The following PPEF1 variants were observed in gnomAD, a reference collection of about 807,000 sequenced individuals.
PPEF1 encodes serine/threonine-protein phosphatase with EF-hands 1.
A neutral mutation model predicts 53.3 loss-of-function variants in PPEF1; 12 were observed. The ratio of observed to expected loss-of-function variants is 0.23; its 90% CI spans 0.14 to 0.36. PPEF1 has a LOEUF of 0.36. Ranked by LOEUF, PPEF1 falls within the 10% of genes least tolerant of loss-of-function variation. The pLI, the probability that PPEF1 is intolerant of heterozygous loss-of-function variation, is 1.00. For missense variants in PPEF1, 334 were observed against 490.4 expected (o/e 0.68, Z 3.01); for synonymous variants, 165 against 176.7 (o/e 0.93, Z 0.52).
intron 6 of PPEF1, among the ~76,000 whole-genome samples, chrX:18,774,239 G>A (rs1202599206): frequency 6.3e-5 from 7 of 111,019 alleles, no homozygotes; most frequent in African/African-American, 2.0e-4. Flanking sequence ...ACAGGCATGC[G>A]CCACCACACC....
chrX:18,762,629 A>G (rs1377165739), intron 6 of PPEF1, among the ~76,000 whole-genome samples: 3 of 112,229 alleles, frequency 2.7e-5, no homozygotes, highest in Admixed American at 9.4e-5. Context: ...ATGATATGCT[A>G]AACAAGGGGT....
At chrX:18,814,005 A>G (rs4825274) in intron 12 of PPEF1, among the ~76,000 whole-genome samples, 2 of 108,629 alleles carry the variant, frequency 1.8e-5, no homozygotes, top group South Asian at 4.1e-4. Flanking sequence ...CTGCCTCCCC[A>G]TCTAGTAGTT....
intron 9 of PPEF1, 68 bp downstream of exon 9, chrX:18,784,116 T>C: frequency 1.1e-6 from 1 of 940,914 alleles, no homozygotes; most frequent in East Asian, 3.3e-5. Flanking sequence ...TCTTCATTTA[T>C]TATTTTGAAT....
intron 10 of PPEF1, among the ~76,000 whole-genome samples, chrX:18,790,490 T>C (rs1438949202): frequency 9.0e-6 from 1 of 111,325 alleles, no homozygotes; most frequent in Non-Finnish European, 1.9e-5. Flanking sequence ...TTTTTCTCTT[T>C]GGTTGCTCGT....
chrX:18,722,246 A>G (rs1248311058), intron 1 of PPEF1, among the ~76,000 whole-genome samples: 2 of 112,556 alleles, frequency 1.8e-5, no homozygotes, highest in African/African-American at 6.4e-5. Context: ...GAGGTTATAG[A>G]TGCTTCTCCT....
At chrX:18,799,780 G>A (rs2046513068) in intron 10 of PPEF1, among the ~76,000 whole-genome samples, 1 of 111,770 alleles carries the variant, frequency 8.9e-6, no homozygotes, top group South Asian at 3.7e-4. Context: ...GAATTAATTA[G>A]TCTTTCATGC....
chrX:18,685,684 CA>C (rs1212907646), intron 2 of PPEF1, among the ~76,000 whole-genome samples: 842 of 28,728 alleles, frequency 0.029, 6 homozygotes, highest in African/African-American at 0.071. Flanking sequence ...GACTCCATCT[CA>C]AAAAAAAAAA....
In PPEF1 at chrX:18,781,806, ACTG is replaced by A. The variant is rs776062090; in HGVS notation, c.726-557_726-555del. Among the ~76,000 whole-genome samples, 454 of 111,461 alleles carry A rather than the reference ACTG, an allele frequency of 4.1e-3. 2 individuals are homozygous for A. The highest frequency in any genetic ancestry group is 0.014 in the African/African-American group (428 of 30,612). On this transcript the variant is annotated intron_variant, in intron 7 of 15. Transcript: ENST00000470157. ...TGTCATCATTGAATCTCCCTTCACT[ACTG>A]CTATTCAGGCATTAAGGTTCCTGAC...
chrX:18,722,299 C>G (rs2044605724), intron 1 of PPEF1, among the ~76,000 whole-genome samples: 1 of 112,103 alleles, frequency 8.9e-6, no homozygotes, highest in Admixed American at 9.5e-5. Flanking sequence ...CATTTTCTTT[C>G]CAGTTCATTC....
chrX:18,680,389 C>G (rs747865178), upstream of PPEF1, among the ~76,000 whole-genome samples: 5 of 107,509 alleles, frequency 4.7e-5, no homozygotes, highest in East Asian at 1.4e-3. Context: ...CACTGCCCCC[C>G]TTTCCTGCTT....
intron 6 of PPEF1, among the ~76,000 whole-genome samples, chrX:18,764,461 G>A (rs1394089403): frequency 9.0e-6 from 1 of 111,367 alleles, no homozygotes; most frequent in African/African-American, 3.3e-5. Context: ...AGTCAGGAGT[G>A]CTGCTGTGCT....
chrX:18,731,604 T>C (rs759912931), intron 2 of PPEF1, among the ~76,000 whole-genome samples: 31 of 112,178 alleles, frequency 2.8e-4, no homozygotes, highest in Non-Finnish European at 4.7e-4. Flanking sequence ...TGATTCTTTA[T>C]TGAGATGTAA....
In PPEF1 at chrX:18,779,079, A is replaced by G. The variant is rs1043925966; in HGVS notation, c.628A>G (p.Ile210Val). 1 of 1,202,687 alleles carries G rather than the reference A, an allele frequency of 8.3e-7. No homozygotes were observed. The highest frequency in any genetic ancestry group is 1.1e-6 in the Non-Finnish European group (1 of 888,914). ...GDFVDRGKNSIEILMILCVSF... is the reference protein window; with the variant it reads ...GDFVDRGKNSVEILMILCVSF... ...CTTTGTAGATCGAGGAAAGAATTCCATAGAGATCCTAATGATCCTGTGTGT... is the reference window on the plus strand; with the variant it reads ...CTTTGTAGATCGAGGAAAGAATTCCGTAGAGATCCTAATGATCCTGTGTGT... The change falls in exon 7 of 16, where the codon ATA becomes GTA. Residue 210 changes from isoleucine (I) to valine (V), a missense_variant. Transcript: ENST00000470157.
rs758234625 is a variant in PPEF1 at position 18,824,016 on chromosome X, T to C, written c.1595T>C (p.Ile532Thr). ...TCCCTCAGTTCGAATCTGGTAAACA[T>C]AGACCAAAATGGAAACGTTGAATAC... ...WRSLSSNLVN[I>T]DQNGNVEYMS... is the part of the protein sequence containing the mutation. Residue 532 changes from isoleucine to threonine, a missense_variant, in exon 14 of 16, where the codon ATA (isoleucine) becomes ACA (threonine). Coordinates refer to ENST00000470157, the MANE Select transcript of PPEF1 (RefSeq NM_001377996.1). The C allele has an allele frequency of 3.3e-6, 4 of 1,206,490 alleles. No individual in the cohort carries two copies. Among genetic ancestry groups the C allele is most frequent in the East Asian group, 3.0e-5 (1 of 33,759 alleles).
At chrX:18,737,861 C>T (rs970098160) in intron 3 of PPEF1, among the ~76,000 whole-genome samples, 1 of 111,445 alleles carries the variant, frequency 9.0e-6, no homozygotes, top group African/African-American at 3.3e-5. Context: ...TGAATTGATC[C>T]CTTTACCATT....
upstream of PPEF1, among the ~76,000 whole-genome samples, chrX:18,704,696 C>T (rs182988389): frequency 1.7e-4 from 19 of 111,956 alleles, no homozygotes; most frequent in African/African-American, 6.2e-4. Flanking sequence ...TTCTAAAATA[C>T]CGTCTCTATT....
intron 4 of PPEF1, among the ~76,000 whole-genome samples, chrX:18,695,125 C>T (rs937351589): frequency 1.8e-5 from 2 of 112,147 alleles, no homozygotes; most frequent in Admixed American, 9.4e-5. Context: ...GAAGGTTTGA[C>T]TGGGGAGGGA....
chrX:18,675,327 C>T (rs966865448), upstream of PPEF1, among the ~76,000 whole-genome samples: 1 of 113,755 alleles, frequency 8.8e-6, no homozygotes, highest in African/African-American at 3.2e-5. Flanking sequence ...GCGAGGGCCC[C>T]GCGCCTTCCC....
chrX:18,742,059 A>G (rs1035979590), intron 3 of PPEF1, among the ~76,000 whole-genome samples: 28 of 110,435 alleles, frequency 2.5e-4, no homozygotes, highest in Non-Finnish European at 1.3e-4. Context: ...CGGCCTTCCA[A>G]AGTGCTGGGA....
Sources: gnomAD v4.1 joint callset for allele counts (sites outside exome capture counted in the v4.1 genomes callset) on GRCh38, gnomAD v4.1.1 for gene constraint, MANE v1.5 for transcripts, NCBI Gene and HGNC (gene_info 2026-07-23, HGNC 2026-07-21) for gene names.